Variants in KCNK1 observed in about 807,000 individuals in gnomAD.
KCNK1 encodes the protein potassium two pore domain channel subfamily K member 1.
KCNK1 carries 10 observed loss-of-function variants against 22.2 expected under a neutral mutation model. The observed-to-expected ratio is 0.45, with a 90% CI of 0.28 to 0.76. KCNK1 has a LOEUF of 0.76. Ranked by LOEUF, KCNK1 falls within the 30% of genes least tolerant of loss-of-function variation. The probability of loss-of-function intolerance (pLI) is 0.14; values close to 1 mark genes in which losing one functional copy is unlikely to be tolerated. For missense variants in KCNK1, 378 were observed against 421.0 expected, an observed-to-expected ratio of 0.90 and a Z score of 0.89; for synonymous variants, 200 against 186.4, an observed-to-expected ratio of 1.07 and a Z score of -0.60.
At chr1:233,662,154 T>C (rs1658404298) in intron 1 of KCNK1, among the ~76,000 whole-genome samples, 2 of 152,174 alleles carry the variant, frequency 1.3e-5, no homozygotes, top group South Asian at 2.1e-4. Flanking sequence ...AGGGGAAACA[T>C]TGCGACTGAT....
At chr1:233,623,592 T>C (rs1423025591) in intron 1 of KCNK1, among the ~76,000 whole-genome samples, 2 of 152,216 alleles carry the variant, frequency 1.3e-5, no homozygotes, top group Non-Finnish European at 2.9e-5. Context: ...AAGAAACCTT[T>C]TGTTTTTTGT....
At chr1:233,655,551 T>G (rs1021406183) in intron 1 of KCNK1, 3 of 152,132 alleles carry the variant, frequency 2.0e-5, no homozygotes, top group African/African-American at 7.2e-5. Flanking sequence ...TCTCCCAAAT[T>G]TATATGTTGA....
intron 1 of KCNK1, among the ~76,000 whole-genome samples, chr1:233,640,736 C>T (rs1040533342): frequency 6.6e-6 from 1 of 152,060 alleles, no homozygotes; most frequent in Non-Finnish European, 1.5e-5. Context: ...GACAGGGTCT[C>T]GTTGTGTCGC....
At chr1:233,664,972 C>T (rs913719735) in intron 1 of KCNK1, among the ~76,000 whole-genome samples, 5 of 152,164 alleles carry the variant, frequency 3.3e-5, no homozygotes, top group Non-Finnish European at 5.9e-5. Context: ...AGATGAAGTG[C>T]TCATGAGATT....
At chr1:233,627,061 A>G (rs1039804605) in intron 1 of KCNK1, among the ~76,000 whole-genome samples, 9 of 152,148 alleles carry the variant, frequency 5.9e-5, no homozygotes, top group Non-Finnish European at 1.0e-4. Context: ...GTCAGGTTCA[A>G]ATAAACACAT....
chr1:233,660,151 T>C (rs1275464662), intron 1 of KCNK1, among the ~76,000 whole-genome samples: 1 of 152,220 alleles, frequency 6.6e-6, no homozygotes, highest in Non-Finnish European at 1.5e-5. Flanking sequence ...TACTTATATA[T>C]TGAGTAATTT....
chr1:233,641,015 C>G (rs1294095065), intron 1 of KCNK1, among the ~76,000 whole-genome samples: 1 of 152,122 alleles, frequency 6.6e-6, no homozygotes, highest in Non-Finnish European at 1.5e-5. Context: ...CCAACAGGCT[C>G]TACTTTTCTC....
chr1:233,671,474 G>A lies in KCNK1; in HGVS notation c.955G>A (p.Glu319Lys). The A allele has an allele frequency of 6.2e-7, 1 of 1,614,194 alleles. No homozygotes were observed. The highest frequency in any genetic ancestry group is 8.5e-7 in the Non-Finnish European group (1 of 1,180,038). ...AGMKEDQKQN[E>K]PFVATQSSAC... ...CATGAAAGAGGACCAGAAGCAAAAT[G>A]AGCCTTTTGTGGCCACCCAGTCATC... is the stretch of plus-strand genomic sequence containing the variant. Residue 319 changes from glutamate to lysine, a missense_variant, in exon 3 of 3, where the codon GAG becomes AAG. Coordinates refer to ENST00000366621, the MANE Select transcript of KCNK1 (RefSeq NM_002245.4).
At chr1:233,632,917 C>A (rs901147800) in intron 1 of KCNK1, among the ~76,000 whole-genome samples, 2 of 151,984 alleles carry the variant, frequency 1.3e-5, no homozygotes, top group Non-Finnish European at 2.9e-5. Context: ...TAAAGACATT[C>A]GGAAGGAGAG....
chr1:233,619,006 C>T (rs1181952083), intron 1 of KCNK1, among the ~76,000 whole-genome samples: 2 of 152,184 alleles, frequency 1.3e-5, no homozygotes, highest in Middle Eastern at 3.4e-3. Flanking sequence ...AGCTCAGTTC[C>T]TGTTCCTTTT....
chr1:233,614,265 C>G lies in KCNK1; in HGVS notation c.94C>G (p.Leu32Val), dbSNP rs776428149. 15 of 1,613,382 alleles carry G rather than the reference C, an allele frequency of 9.3e-6. No homozygotes were observed. The Admixed American group carries it at 2.3e-4, about 25-fold the overall frequency. The change falls in exon 1 of 3, where the codon CTC (leucine) becomes GTC (valine). Residue 32 changes from leucine to valine, a missense_variant. Coordinates refer to ENST00000366621, the MANE Select transcript of KCNK1 (RefSeq NM_002245.4). ...CGGCTTCCTGGTGCTGGGCTACTTG[C>G]TCTACCTGGTCTTCGGCGCAGTGGT... ...CFGFLVLGYL[L>V]YLVFGAVVFS...
chr1:233,662,271 TCTCCTC>T (rs58141865), intron 1 of KCNK1, among the ~76,000 whole-genome samples: 68 of 67,178 alleles, frequency 1.0e-3, no homozygotes, highest in Middle Eastern at 7.8e-3. Flanking sequence ...TTCTTCTTCT[TCTCCTC>T]CTCCTCCTCC....
At chr1:233,637,064 C>T (rs1172591762) in intron 1 of KCNK1, among the ~76,000 whole-genome samples, 3 of 152,008 alleles carry the variant, frequency 2.0e-5, no homozygotes, top group Non-Finnish European at 4.4e-5. Context: ...GGAGTGGTGG[C>T]GGGCACCTGT....
chr1:233,618,901 A>AAAAAC (rs1657530840), intron 1 of KCNK1, among the ~76,000 whole-genome samples: 1 of 152,222 alleles, frequency 6.6e-6, no homozygotes, highest in Non-Finnish European at 1.5e-5. Flanking sequence ...AAAGAAACAT[A>AAAAAC]AAAACAAAAC....
rs558230515 is a variant in KCNK1, at chr1:233,659,477, G to A, written c.356-7118G>A. On this transcript the variant is annotated intron_variant, in intron 1 of 2. Transcript: ENST00000366621. ...TGTAAACCAGCTTCAGGCAAGTCCT[G>A]TAGAAGGAATACAATCTAAAATAAT... is the stretch of plus-strand genomic sequence containing the variant. 2.7e-5 allele frequency among the ~76,000 whole-genome samples: 4 copies of A among 150,642 alleles called. No individual in the cohort carries two copies. The South Asian group carries it at 6.4e-4, about 24-fold the overall frequency.
At chr1:233,630,126 A>G (rs892372190) in intron 1 of KCNK1, among the ~76,000 whole-genome samples, 3 of 152,176 alleles carry the variant, frequency 2.0e-5, no homozygotes, top group Non-Finnish European at 4.4e-5. Flanking sequence ...ATTCAGCCGT[A>G]AAATGATGAG....
chr1:233,622,460 A>G (rs764491602), intron 1 of KCNK1, among the ~76,000 whole-genome samples: 31 of 152,194 alleles, frequency 2.0e-4, no homozygotes, highest in Non-Finnish European at 3.7e-4. Context: ...ATTGGAAAGC[A>G]AGCAACTTTT....
In KCNK1 at chr1:233,640,761, G is replaced by C. The variant is rs559279895; in HGVS notation, c.356-25834G>C. Among the ~76,000 whole-genome samples the C allele has an allele frequency of 3.3e-5, 5 of 152,142 alleles. No homozygotes were observed. In the East Asian group the frequency reaches 9.7e-4, roughly 29 times the overall value. On this transcript the variant is annotated intron_variant, in intron 1 of 2. Transcript: ENST00000366621. ...CGTTGTGTCGCCAGACTGGAGTGCAGTAGCTCAATCTCAGCTCACTACAGC... is the reference window on the plus strand; with the variant it reads ...CGTTGTGTCGCCAGACTGGAGTGCACTAGCTCAATCTCAGCTCACTACAGC...
intron 1 of KCNK1, among the ~76,000 whole-genome samples, chr1:233,633,929 G>C (rs1162514349): frequency 6.6e-6 from 1 of 151,968 alleles, no homozygotes; most frequent in Non-Finnish European, 1.5e-5. Flanking sequence ...TTAATAGCTG[G>C]GTACAAAAAA....
Sources: allele counts gnomAD v4.1 joint callset (sites outside exome capture counted in the v4.1 genomes callset), GRCh38; gene constraint gnomAD v4.1.1; transcripts MANE v1.5; gene names NCBI Gene and HGNC (gene_info 2026-07-23, HGNC 2026-07-21).